HSPA4L: variants seen among roughly 807,000 people sequenced by gnomAD.
The protein encoded by HSPA4L is heat shock protein family A (Hsp70) member 4 like.
Under a neutral mutation model 100.3 loss-of-function variants are expected in HSPA4L, and 48 were observed. The ratio of observed to expected loss-of-function variants is 0.48; its 90% CI spans 0.38 to 0.61. The LOEUF (loss-of-function observed/expected upper bound fraction) is 0.61. Among genes scored for constraint, HSPA4L ranks in the 20% least tolerant of loss-of-function variants. The pLI is 0.00. For missense variants in HSPA4L, 886 were observed against 988.6 expected, an observed-to-expected ratio of 0.90 and a Z score of 1.39; for synonymous variants, 319 against 328.2, an observed-to-expected ratio of 0.97 and a Z score of 0.30.
chr4:127,821,231 T>C (rs1733805306), intron 14 of HSPA4L, among the ~76,000 whole-genome samples: 1 of 152,154 alleles, frequency 6.6e-6, no homozygotes, highest in Admixed American at 6.5e-5. Context: ...CTGCATTTTA[T>C]GTGAAGCAAG....
rs1034122013 is a variant in HSPA4L, at chr4:127,837,561, AGAT to A, written c.*4688_*4690del. On this transcript the variant is annotated 3_prime_UTR_variant, in exon 19 of 19. Transcript: ENST00000296464. ...TCTTTGTAAAGCAGTCAGTTTCAGA[AGAT>A]ACTTTTTATCAAAAAAGATGGCAGG... 3.0e-4 allele frequency: 45 copies of A among 152,348 alleles called. No individual in the cohort carries two copies. The highest frequency in any genetic ancestry group is 9.1e-4 in the African/African-American group (38 of 41,580). 9.4% of individuals were successfully genotyped at this position (152,348 alleles called of 1,614,324 possible).
intron 8 of HSPA4L, 34 bp from the exon 9 acceptor site, chr4:127,805,039 A>T: frequency 6.9e-7 from 1 of 1,443,086 alleles, no homozygotes; most frequent in East Asian, 2.3e-5. Flanking sequence ...ATTTTTAAAG[A>T]CTATCATTTT....
At chr4:127,817,739 TTAAAGA>T (rs1578715104) in intron 12 of HSPA4L, among the ~76,000 whole-genome samples, 1 of 152,206 alleles carries the variant, frequency 6.6e-6, no homozygotes, top group East Asian at 1.9e-4. Flanking sequence ...ATTTTACAAT[TTAAAGA>T]TATAGTATTG....
chr4:127,818,723 C>T (rs563235777), intron 13 of HSPA4L, among the ~76,000 whole-genome samples: 2 of 151,546 alleles, frequency 1.3e-5, no homozygotes, highest in East Asian at 1.9e-4. Flanking sequence ...CAAACATTGA[C>T]GCTTACTGGA....
intron 11 of HSPA4L, chr4:127,809,370 G>A (rs1221664385): frequency 1.7e-6 from 2 of 1,176,912 alleles, no homozygotes; most frequent in East Asian, 2.3e-5. Flanking sequence ...CCAGCAGAAG[G>A]CAGCTTTGCA....
At chr4:127,815,023 G>A (rs1046322911) in intron 12 of HSPA4L, among the ~76,000 whole-genome samples, 3 of 152,104 alleles carry the variant, frequency 2.0e-5, no homozygotes, top group Non-Finnish European at 2.9e-5. Flanking sequence ...TTCAAGGGGT[G>A]GAATAATAAG....
intron 12 of HSPA4L, among the ~76,000 whole-genome samples, chr4:127,815,410 G>C (rs1457170608): frequency 6.6e-6 from 1 of 151,540 alleles, no homozygotes; most frequent in African/African-American, 2.4e-5. Flanking sequence ...CAAGCCCCGG[G>C]TACTTTGGTT....
intron 1 of HSPA4L, among the ~76,000 whole-genome samples, chr4:127,785,541 G>A (rs1404039840): frequency 2.0e-5 from 3 of 151,834 alleles, no homozygotes; most frequent in Non-Finnish European, 4.4e-5. Flanking sequence ...GGGTTCAAGC[G>A]ATTCTCCTGC....
rs1734154916 is a variant in HSPA4L, at chr4:127,834,225, C to CTAAA, written c.*1351_*1352insTAAA. On this transcript the variant is annotated 3_prime_UTR_variant, in exon 19 of 19. Transcript: ENST00000296464. Reference sequence around the variant, plus strand: ...CAGAAGCATAGACAAGTATATGAGCCCTTATGTCCTTAATGCCAATCAACT... The same window carrying CTAAA: ...CAGAAGCATAGACAAGTATATGAGCCTAAACTTATGTCCTTAATGCCAATCAACT... 1 of 152,006 alleles carries CTAAA rather than the reference C, an allele frequency of 6.6e-6. No homozygotes were observed. Among genetic ancestry groups the CTAAA allele is most frequent in the Non-Finnish European group, 1.5e-5 (1 of 67,974 alleles). The allele number at this position is 152,006 out of a possible 1,614,324, so 9.4% of individuals were successfully genotyped here. A position where few individuals can be genotyped will look rare whatever the true frequency, so the allele number is the denominator to read the frequency against.
In HSPA4L at chr4:127,837,716, A is replaced by T. The variant is rs893440605; in HGVS notation, c.*4842A>T. ...AACAAAAATTTAATGCAGATCAAAGACCAAGGCTTGTAACCAAAACAAGCA... is the reference window on the plus strand; with the variant it reads ...AACAAAAATTTAATGCAGATCAAAGTCCAAGGCTTGTAACCAAAACAAGCA... On this transcript the variant is annotated 3_prime_UTR_variant, in exon 19 of 19. Transcript: ENST00000296464. 8.5e-5 allele frequency: 13 copies of T among 152,220 alleles called. No individual in the cohort carries two copies. Among genetic ancestry groups the T allele is most frequent in the African/African-American group, 2.9e-4 (12 of 41,468 alleles). 9.4% of individuals were successfully genotyped at this position (152,220 alleles called of 1,614,324 possible). A position where few individuals can be genotyped will look rare whatever the true frequency, so the allele number is the denominator to read the frequency against.
intron 12 of HSPA4L, among the ~76,000 whole-genome samples, chr4:127,814,616 G>A (rs1231862768): frequency 6.6e-6 from 1 of 151,932 alleles, no homozygotes; most frequent in African/African-American, 2.4e-5. Flanking sequence ...CGCCCAGGCT[G>A]GAGTGCAGTG....
rs913155772 is a variant in HSPA4L, at chr4:127,837,234, G to C, written c.*4360G>C. On this transcript the variant is annotated 3_prime_UTR_variant, in exon 19 of 19. Coordinates refer to ENST00000296464, the MANE Select transcript of HSPA4L (RefSeq NM_014278.4). ...CAAAGTGCTGGGATTACAGGCGTGA[G>C]CCACCATACCCGGCCAAAAATTTTT... 1.3e-5 allele frequency: 2 copies of C among 152,174 alleles called. No homozygotes were observed. The highest frequency in any genetic ancestry group is 6.5e-5 in the Admixed American group (1 of 15,284). 9.4% of individuals were successfully genotyped at this position (152,174 alleles called of 1,614,324 possible).
chr4:127,804,167 T>G (rs998372259), intron 8 of HSPA4L, 80 bp downstream of exon 8: 1 of 1,096,688 alleles, frequency 9.1e-7, no homozygotes, highest in African/African-American at 1.6e-5. Flanking sequence ...TAAAATAAAT[T>G]TTTAAAACTT....
At chr4:127,803,526 G>C in intron 6 of HSPA4L, 103 bp from the exon 7 acceptor site, 2 of 1,184,596 alleles carry the variant, frequency 1.7e-6, no homozygotes, top group Non-Finnish European at 2.3e-6. Flanking sequence ...AGTTTTTTTA[G>C]CGTCATTTTT....
rs912799333 is a variant in HSPA4L at position 127,836,744 on chromosome 4, A to G, written c.*3870A>G. 1 of 152,168 alleles carries G rather than the reference A, an allele frequency of 6.6e-6. No individual in the cohort carries two copies. Among genetic ancestry groups the G allele is most frequent in the Non-Finnish European group, 1.5e-5 (1 of 68,038 alleles). The allele number at this position is 152,168 out of a possible 1,614,324, so 9.4% of individuals were successfully genotyped here. A position where few individuals can be genotyped will look rare whatever the true frequency, so the allele number is the denominator to read the frequency against. On this transcript the variant is annotated 3_prime_UTR_variant, in exon 19 of 19. Transcript: ENST00000296464. ...CTGATTTTGTTTTCACCCTAAATAC[A>G]TACAACCATTCCTCCACTTTCATAA...
chr4:127,804,737 G>C (rs530304425), intron 8 of HSPA4L, among the ~76,000 whole-genome samples: 1 of 151,698 alleles, frequency 6.6e-6, no homozygotes, highest in South Asian at 2.1e-4. Flanking sequence ...TTGCTTTTTC[G>C]TAAGGATTTT....
rs775111048 is a variant in HSPA4L at position 127,782,655 on chromosome 4, C to T, written c.105C>T (p.Thr35=). The T allele has an allele frequency of 1.2e-6, 2 of 1,600,038 alleles. No homozygotes were observed. Among genetic ancestry groups the T allele is most frequent in the Non-Finnish European group, 1.7e-6 (2 of 1,169,938 alleles). ...TIANEYSDRC[T]PACISLGSRT... ...CCAATGAGTACAGCGACAGGTGTAC[C>T]CCGTAAGTGCCTCTGCTGAGCATCA... The change falls in exon 1 of 19, where the codon ACC becomes ACT. Residue 35 remains threonine (T), a splice_region_variant and synonymous_variant. Transcript: ENST00000296464.
intron 17 of HSPA4L, 111 bp downstream of exon 17, chr4:127,827,535 T>A: frequency 8.1e-7 from 1 of 1,230,570 alleles, no homozygotes; most frequent in Non-Finnish European, 1.1e-6. Context: ...TCTATCAAAT[T>A]CCAGAGACTT....
rs1734340147 is a variant in HSPA4L at position 127,840,427 on chromosome 4, C to G, written c.*7553C>G. 6.6e-6 allele frequency: 1 copy of G among 152,112 alleles called. No individual in the cohort carries two copies. Among genetic ancestry groups the G allele is most frequent in the South Asian group, 2.1e-4 (1 of 4,814 alleles). The allele number at this position is 152,112 out of a possible 1,614,324, so 9.4% of individuals were successfully genotyped here. ...AAAATGGTAATCAAGTGTGATGTTT[C>G]TATAAAAATAATTGAGATTCACATG... On this transcript the variant is annotated 3_prime_UTR_variant, in exon 19 of 19. Transcript: ENST00000296464.
Sources: gnomAD v4.1 joint callset for allele counts (sites outside exome capture counted in the v4.1 genomes callset) on GRCh38, gnomAD v4.1.1 for gene constraint, MANE v1.5 for transcripts, NCBI Gene and HGNC (gene_info 2026-07-23, HGNC 2026-07-21) for gene names.